Variants in DMD observed in about 807,000 individuals in gnomAD.
DMD encodes mutant dystrophin.
In DMD, 63 loss-of-function variants were observed where a neutral mutation model predicts 330.1. The observed-to-expected ratio is 0.19, with a 90% CI of 0.16 to 0.24. DMD has a LOEUF of 0.24. Ranked by LOEUF, DMD falls within the 10% of genes least tolerant of loss-of-function variation. The pLI, the probability that DMD is intolerant of heterozygous loss-of-function variation, is 1.00. For synonymous variants in DMD, 1,223 were observed against 959.8 expected, an observed-to-expected ratio of 1.27 and a Z score of -5.07; for missense variants, 3,344 against 2,684.1, an observed-to-expected ratio of 1.25 and a Z score of -5.43.
At chrX:31,185,959 A>T in intron 67 of DMD, among the ~76,000 whole-genome samples, 1 of 112,019 alleles carries the variant, frequency 8.9e-6, no homozygotes, top group Middle Eastern at 4.6e-3. Flanking sequence ...AATACTTAGT[A>T]TCACACAAGT....
rs1378443755 is a variant in DMD, at chrX:31,871,622, T to A, written c.7098+3566A>T. ...GCCAGACAAGGCAAGTTTCTTTACA[T>A]TTAGGATTTGGAGCTAGGGGCGTGG... is the stretch of plus-strand genomic sequence containing the variant. On this transcript the variant is annotated intron_variant, in intron 48 of 78. Coordinates refer to ENST00000357033, the MANE Select transcript of DMD (RefSeq NM_004006.3). Among the ~76,000 whole-genome samples the A allele has an allele frequency of 4.5e-5, 5 of 111,031 alleles. No individual in the cohort carries two copies. The South Asian group carries it at 1.9e-3, about 43-fold the overall frequency.
chrX:32,741,613 T>C (rs751915861), intron 7 of DMD, among the ~76,000 whole-genome samples: 7 of 111,664 alleles, frequency 6.3e-5, no homozygotes, highest in African/African-American at 2.3e-4. Context: ...GGCATATAAA[T>C]GGACTTCAGA....
At chrX:33,296,462 A>G (rs1019449043) in intron 1 of DMD, among the ~76,000 whole-genome samples, 8 of 111,079 alleles carry the variant, frequency 7.2e-5, no homozygotes, top group African/African-American at 2.6e-4. Context: ...AAGAAGAAAA[A>G]AGAAAAAAAT....
At chrX:31,359,064 C>T (rs1372731605) in intron 60 of DMD, among the ~76,000 whole-genome samples, 1 of 111,822 alleles carries the variant, frequency 8.9e-6, no homozygotes, top group African/African-American at 3.3e-5. Flanking sequence ...TACTCAAATA[C>T]TTATTGAGTG....
intron 44 of DMD, among the ~76,000 whole-genome samples, chrX:32,145,548 T>C (rs1054213621): frequency 8.9e-6 from 1 of 112,291 alleles, no homozygotes; most frequent in Non-Finnish European, 1.9e-5. Context: ...AATGTGTTAA[T>C]AGTAGAAAGA....
chrX:33,057,284 A>G (rs1002459249), intron 1 of DMD, among the ~76,000 whole-genome samples: 6 of 111,582 alleles, frequency 5.4e-5, no homozygotes, highest in Non-Finnish European at 1.1e-4. Context: ...TTTAGAAAAG[A>G]CTTGATTAAA....
At chrX:31,357,378 GAA>G (rs765192328) in intron 60 of DMD, among the ~76,000 whole-genome samples, 1 of 81,303 alleles carries the variant, frequency 1.2e-5, no homozygotes, top group Admixed American at 1.4e-4. Flanking sequence ...GGTATTGTCC[GAA>G]AAAAAAAAAA....
chrX:32,795,109 T>C (rs2076093500), intron 7 of DMD, among the ~76,000 whole-genome samples: 2 of 111,880 alleles, frequency 1.8e-5, no homozygotes, highest in African/African-American at 6.5e-5. Context: ...AATAATGCAG[T>C]CCCTATCAGA....
At chrX:31,241,808 T>C (rs2048324238) in intron 63 of DMD, among the ~76,000 whole-genome samples, 1 of 111,632 alleles carries the variant, frequency 9.0e-6, no homozygotes, top group South Asian at 3.8e-4. Flanking sequence ...ACCAAATTCC[T>C]ATTCCAAAAC....
chrX:32,475,005 T>C (rs1483716987), intron 21 of DMD, among the ~76,000 whole-genome samples: 1 of 111,788 alleles, frequency 8.9e-6, no homozygotes, highest in Non-Finnish European at 1.9e-5. Flanking sequence ...GGTTTAAGTC[T>C]TTAAACCATC....
In DMD at chrX:32,731,651, TACTGACACCTC is replaced by T. The variant is rs1219015426; in HGVS notation, c.650-32369_650-32359del. 2.7e-5 allele frequency among the ~76,000 whole-genome samples: 3 copies of T among 111,808 alleles called. No homozygotes were observed. The East Asian group carries it at 8.5e-4, about 32-fold the overall frequency. On this transcript the variant is annotated intron_variant, in intron 7 of 78. Coordinates refer to ENST00000357033, the MANE Select transcript of DMD (RefSeq NM_004006.3). Reference sequence around the variant, plus strand: ...TGGGAGGCACTCCCCAAAAGGGGCATACTGACACCTCACACGGCAGGGTACTCCAACAGACC... The same window carrying T: ...TGGGAGGCACTCCCCAAAAGGGGCATACACGGCAGGGTACTCCAACAGACC...
At chrX:31,212,172 G>A (rs1010875337) in intron 64 of DMD, among the ~76,000 whole-genome samples, 4,635 of 79,593 alleles carry the variant, frequency 0.058, 102 homozygotes, top group Middle Eastern at 0.1. Context: ...ATATATGTGT[G>A]TGTGTATGTG....
At chrX:33,148,545 T>C in intron 1 of DMD, among the ~76,000 whole-genome samples, 1 of 112,165 alleles carries the variant, frequency 8.9e-6, no homozygotes, top group African/African-American at 3.2e-5. Context: ...ACAAGAATGT[T>C]TTCTAGATAT....
intron 12 of DMD, among the ~76,000 whole-genome samples, chrX:32,605,822 T>A (rs766452417): frequency 9.1e-6 from 1 of 110,098 alleles, no homozygotes; most frequent in Non-Finnish European, 1.9e-5. Context: ...ATCAGAGAAA[T>A]GCAAATTAAA....
chrX:31,893,343 T>G (rs2094285165), intron 47 of DMD, among the ~76,000 whole-genome samples: 1 of 111,127 alleles, frequency 9.0e-6, no homozygotes, highest in Non-Finnish European at 1.9e-5. Flanking sequence ...ATTTCTGGCC[T>G]CCATGTTTAA....
intron 48 of DMD, among the ~76,000 whole-genome samples, chrX:31,873,601 C>T (rs1283722418): frequency 1.8e-5 from 2 of 112,066 alleles, no homozygotes; most frequent in African/African-American, 3.2e-5. Flanking sequence ...ATCCTTTTTA[C>T]TCTGAAGTTG....
Position 31,182,884 on chromosome X carries a change from G to A in DMD, c.9828C>T (p.Ile3276=), listed in dbSNP as rs757899883. Residue 3276 remains isoleucine, a synonymous_variant, in exon 68 of 79, where the codon ATC becomes ATT. Transcript: ENST00000357033. ...CFQFANNKPE[I]EAALFLDWMR... ...TCCAGTCTAGGAAGAGGGCCGCTTC[G>A]ATCTCTGGCTTATTATTAGCCTGCA... 6 of 1,208,870 alleles carry A rather than the reference G, an allele frequency of 5.0e-6. No homozygotes were observed. In the South Asian group the frequency reaches 7.1e-5, roughly 14 times the overall value.
intron 4 of DMD, among the ~76,000 whole-genome samples, chrX:32,834,989 C>T (rs953987909): frequency 1.8e-5 from 2 of 111,131 alleles, no homozygotes; most frequent in Non-Finnish European, 3.8e-5. Flanking sequence ...TAGTTTAAAG[C>T]ACCACAGTTA....
In DMD at chrX:32,645,594, A is replaced by G. The variant is rs1393830527; in HGVS notation, c.961-442T>C. On this transcript the variant is annotated intron_variant, in intron 9 of 78. Transcript: ENST00000357033. ...CCTAGGTAATGAAATATTTCCAAAT[A>G]TTTACAGACCAGTAAAGGCATCAGT... Among the ~76,000 whole-genome samples, 4 of 111,664 alleles carry G rather than the reference A, an allele frequency of 3.6e-5. No homozygotes were observed. In the South Asian group the frequency reaches 1.5e-3, roughly 42 times the overall value.
Sources: allele counts gnomAD v4.1 joint callset (sites outside exome capture counted in the v4.1 genomes callset), GRCh38; gene constraint gnomAD v4.1.1; transcripts MANE v1.5; gene names NCBI Gene and HGNC (gene_info 2026-07-23, HGNC 2026-07-21).